ZNF503: variants seen among roughly 807,000 people sequenced by gnomAD.
ZNF503 encodes NocA-like zinc finger 2.
A neutral mutation model predicts 34.4 loss-of-function variants in ZNF503; 15 were observed. That is an observed-to-expected ratio of 0.44 (90% confidence interval 0.29 to 0.67). ZNF503 has a LOEUF of 0.67. ZNF503 is among the 30% of genes least tolerant of loss of function. The probability of loss-of-function intolerance (pLI) is 0.13; values close to 1 mark genes in which losing one functional copy is unlikely to be tolerated. For missense variants in ZNF503, 1,007 were observed against 926.8 expected (o/e 1.09, Z -1.12); for synonymous variants, 580 against 456.8 (o/e 1.27, Z -3.44).
the ZNF503 span, among the ~76,000 whole-genome samples, chr10:75,380,946 C>G: frequency 6.6e-6 from 1 of 152,178 alleles, no homozygotes; most frequent in Non-Finnish European, 1.5e-5. Context: ...TCATGGCATT[C>G]GCGGGAATTA....
chr10:75,308,609 A>G, the ZNF503 span, among the ~76,000 whole-genome samples: 1 of 152,312 alleles, frequency 6.6e-6, no homozygotes, highest in Middle Eastern at 3.4e-3. Flanking sequence ...TTTGTGATTC[A>G]TAGGAGGAGG....
At chr10:75,300,952 C>A in the ZNF503 span, among the ~76,000 whole-genome samples, 1 of 152,008 alleles carries the variant, frequency 6.6e-6, no homozygotes, top group Non-Finnish European at 1.5e-5. Flanking sequence ...GATCCACCCC[C>A]CTGGGTCTCC....
downstream of ZNF503, among the ~76,000 whole-genome samples, chr10:75,396,590 T>C (rs1468755826): frequency 2.6e-5 from 4 of 152,172 alleles, no homozygotes; most frequent in African/African-American, 9.6e-5. This position sits in a 1 kb window ranked among gnomAD's most constrained non-coding sequence, Gnocchi z 4.4. Context: ...AAAGGCTGAC[T>C]TCGCGCGGCC....
At chr10:75,366,390 T>A in the ZNF503 span, among the ~76,000 whole-genome samples, 4 of 152,220 alleles carry the variant, frequency 2.6e-5, no homozygotes, top group African/African-American at 4.8e-5. Flanking sequence ...CATAATAGCC[T>A]GGCTAGAGGT....
downstream of ZNF503, among the ~76,000 whole-genome samples, chr10:75,397,182 G>A: frequency 6.6e-6 from 1 of 151,602 alleles, no homozygotes; most frequent in African/African-American, 2.4e-5. Context: ...CCAGCCCCGG[G>A]TCCCGACTCT....
chr10:75,305,573 T>G, the ZNF503 span, among the ~76,000 whole-genome samples: 1 of 152,130 alleles, frequency 6.6e-6, no homozygotes, highest in East Asian at 1.9e-4. Context: ...TTAAGTAATG[T>G]TAAGTATTCA....
chr10:75,353,737 C>G, the ZNF503 span, among the ~76,000 whole-genome samples: 1 of 152,210 alleles, frequency 6.6e-6, no homozygotes, highest in South Asian at 2.1e-4. Flanking sequence ...CCTGTCCATC[C>G]TCACTTCAGC....
chr10:75,369,682 C>T, the ZNF503 span, among the ~76,000 whole-genome samples: 1 of 152,054 alleles, frequency 6.6e-6, no homozygotes, highest in East Asian at 1.9e-4. Flanking sequence ...TTTTGAAAAG[C>T]TAATTGAGAA....
Position 75,399,549 on chromosome 10 carries a change from G to A in ZNF503, c.1141C>T (p.Leu381Phe), listed in dbSNP as rs199619600. ...PPQFLPHGVA[L>F]DPTKPGSLVG... ...AGGCTGCCCGGCTTGGTGGGGTCAA[G>A]TGCCACGCCGTGTGGCAGGAACTGG... Residue 381 changes from leucine to phenylalanine, a missense_variant, in exon 2 of 2, where the codon CTT (leucine) becomes TTT (phenylalanine). Physicochemically the swap from Leu to Phe is conservative, Grantham distance 22. Transcript: ENST00000372524. The A allele has an allele frequency of 2.2e-4, 346 of 1,593,768 alleles. No homozygotes were observed. Among genetic ancestry groups the A allele is most frequent in the Non-Finnish European group, 2.7e-4 (316 of 1,177,816 alleles).
Position 75,399,056 on chromosome 10 carries a change from A to G in ZNF503, c.1634T>C (p.Phe545Ser), listed in dbSNP as rs1350891421. ...LLSHLRTHTA[F>S]PGTDKLLSGY... ...CGACAGCAGTTTGTCTGTCCCGGGA[A>G]ATGCCGTATGGGTCCGCAAGTGGCT... The change falls in exon 2 of 2, where the codon TTT becomes TCT. Residue 545 changes from phenylalanine to serine, a missense_variant. Physicochemically the swap from Phe to Ser is radical, Grantham distance 155. Transcript: ENST00000372524. 6.2e-7 allele frequency: 1 copy of G among 1,613,160 alleles called. No individual in the cohort carries two copies.
At chr10:75,391,733 TTTTG>T in the ZNF503 span, among the ~76,000 whole-genome samples, 2 of 152,150 alleles carry the variant, frequency 1.3e-5, no homozygotes, top group Admixed American at 1.3e-4. Context: ...TCCTTCTGTC[TTTTG>T]TTTTTTTTTC....
At chr10:75,281,163 T>G in the ZNF503 span, among the ~76,000 whole-genome samples, 1 of 152,086 alleles carries the variant, frequency 6.6e-6, no homozygotes, top group Non-Finnish European at 1.5e-5. Context: ...GTAAAGAGTT[T>G]GAGTTTTAGT....
chr10:75,365,631 C>T, the ZNF503 span, among the ~76,000 whole-genome samples: 2 of 152,196 alleles, frequency 1.3e-5, no homozygotes, highest in Non-Finnish European at 2.9e-5. Flanking sequence ...TGTCCTAGCC[C>T]CACCACTGCA....
chr10:75,319,888 A>G, the ZNF503 span, among the ~76,000 whole-genome samples: 1 of 152,222 alleles, frequency 6.6e-6, no homozygotes, highest in Non-Finnish European at 1.5e-5. Context: ...AACTCACCCA[A>G]TATGAAGGAA....
At chr10:75,318,514 G>C in the ZNF503 span, among the ~76,000 whole-genome samples, 1 of 151,594 alleles carries the variant, frequency 6.6e-6, no homozygotes, top group Non-Finnish European at 1.5e-5. Context: ...AAAAAAAATA[G>C]AAAAATTAGC....
the ZNF503 span, among the ~76,000 whole-genome samples, chr10:75,343,541 GC>G: frequency 6.6e-6 from 1 of 152,122 alleles, no homozygotes; most frequent in Admixed American, 6.5e-5. Context: ...ACTCCCCACT[GC>G]CCAAGGACTG....
At chr10:75,382,693 C>T in the ZNF503 span, 5 of 345,814 alleles carry the variant, frequency 1.4e-5, no homozygotes, top group South Asian at 1.3e-4. Context: ...AAGTGGTTTT[C>T]TCTCTTTTCT....
chr10:75,361,963 G>A, the ZNF503 span, among the ~76,000 whole-genome samples: 2 of 152,182 alleles, frequency 1.3e-5, no homozygotes, highest in South Asian at 2.1e-4. Context: ...TAATCAGAAA[G>A]CTGTTTTTGG....
At chr10:75,337,974 T>C in the ZNF503 span, among the ~76,000 whole-genome samples, 1 of 152,198 alleles carries the variant, frequency 6.6e-6, no homozygotes, top group Non-Finnish European at 1.5e-5. Flanking sequence ...GCATCTGCCC[T>C]TAGGATTTTA....
Sources: gnomAD v4.1 joint callset for allele counts (sites outside exome capture counted in the v4.1 genomes callset) on GRCh38, gnomAD v4.1.1 for gene constraint, Gnocchi (gnomAD v3.1) non-coding constraint, MANE v1.5 for transcripts, NCBI Gene and HGNC (gene_info 2026-07-23, HGNC 2026-07-21) for gene names.